The following GFM1 variants were observed in gnomAD, a reference collection of about 807,000 sequenced individuals.
GFM1 encodes the protein G elongation factor mitochondrial 1, also known as elongation factor G, mitochondrial.
Under a neutral mutation model 96.2 loss-of-function variants are expected in GFM1, and 62 were observed. The ratio of observed to expected loss-of-function variants is 0.64; its 90% confidence interval spans 0.53 to 0.80. The LOEUF (loss-of-function observed/expected upper bound fraction) is 0.80. Ranked by LOEUF, GFM1 falls within the 30% of genes least tolerant of loss-of-function variation. GFM1 has a pLI of 0.00. For synonymous variants in GFM1, 282 were observed against 312.9 expected, an observed-to-expected ratio of 0.90 and a Z score of 1.04; for missense variants, 852 against 916.6, an observed-to-expected ratio of 0.93 and a Z score of 0.91.
chr3:158,665,839 C>G (rs1426446683), intron 12 of GFM1, among the ~76,000 whole-genome samples: 1 of 152,074 alleles, frequency 6.6e-6, no homozygotes, highest in Admixed American at 6.5e-5. Context: ...CAAGTCATTA[C>G]TTGAAGATCA....
At chr3:158,686,149 T>TA (rs1725812272) in intron 15 of GFM1, among the ~76,000 whole-genome samples, 1 of 149,294 alleles carries the variant, frequency 6.7e-6, no homozygotes, top group South Asian at 2.1e-4. Flanking sequence ...ACAGGATATA[T>TA]ATAATATGTT....
chr3:158,666,861 A>C lies in GFM1; in HGVS notation c.1601+475A>C, dbSNP rs2108054919. On this transcript the variant is annotated intron_variant, in intron 13 of 17. Coordinates refer to ENST00000486715, the MANE Select transcript of GFM1 (RefSeq NM_024996.7). ...CTTCACAAAGAATAGTACTTTTGTT[A>C]AATTGCTGCAATTATAATATACTTA... The C allele has an allele frequency of 3.5e-6, 5 of 1,422,744 alleles. No homozygotes were observed. The South Asian group carries it at 6.4e-5, about 18-fold the overall frequency. The allele number at this position is 1,422,744 out of a possible 1,614,324, so 88.1% of individuals were successfully genotyped here.
rs534901061 is a variant in GFM1 at position 158,669,372 on chromosome 3, A to G, written c.1601+2986A>G. ...TAGCAACTAACAATTTTAAGCACAG[A>G]TAATTGAGATTGATTTTAAGTTTGA... On this transcript the variant is annotated intron_variant, in intron 13 of 17. Transcript: ENST00000486715. The G allele has an allele frequency of 8.7e-6, 13 of 1,491,232 alleles. No homozygotes were observed. In the East Asian group the frequency reaches 2.7e-4, roughly 31 times the overall value. The allele number at this position is 1,491,232 out of a possible 1,614,324, so 92.4% of individuals were successfully genotyped here. A position where few individuals can be genotyped will look rare whatever the true frequency, so the allele number is the denominator to read the frequency against.
At chr3:158,667,787 C>T (rs1177051201) in intron 13 of GFM1, among the ~76,000 whole-genome samples, 1 of 152,110 alleles carries the variant, frequency 6.6e-6, no homozygotes, top group Non-Finnish European at 1.5e-5. Flanking sequence ...AACCCTGTCT[C>T]AAAAACAGGC....
At position 158,693,714 on chromosome 3, in the gene GFM1, C is replaced by T. The variant is rs1241543232; in HGVS notation, c.*2247C>T. ...TCAAATATTACATCCTTGTATTGGA[C>T]AACAGTAGCAGCACTAGGTAGTATT... On this transcript the variant is annotated 3_prime_UTR_variant, in exon 18 of 18. Coordinates refer to ENST00000486715, the MANE Select transcript of GFM1 (RefSeq NM_024996.7). The T allele has an allele frequency of 6.6e-6, 1 of 152,162 alleles. No homozygotes were observed. Among genetic ancestry groups the T allele is most frequent in the Non-Finnish European group, 1.5e-5 (1 of 68,038 alleles). 9.4% of individuals were successfully genotyped at this position (152,162 alleles called of 1,614,324 possible).
intron 13 of GFM1, among the ~76,000 whole-genome samples, chr3:158,677,415 C>A (rs1724992939): frequency 6.6e-6 from 1 of 152,246 alleles, no homozygotes; most frequent in African/African-American, 2.4e-5. Flanking sequence ...AAAGGTGAAG[C>A]AGCAAGTGCT....
intron 4 of GFM1, among the ~76,000 whole-genome samples, chr3:158,647,617 G>C (rs974366889): frequency 6.6e-6 from 1 of 152,224 alleles, no homozygotes; most frequent in African/African-American, 2.4e-5. Flanking sequence ...TGGACAGGCT[G>C]AGAATGGTGT....
rs180845241 is a variant in GFM1, at chr3:158,677,355, A to C, written c.1602-4640A>C. ...CAGAAGAAAAGTTTGAAGCTAGCAG[A>C]TGTTGGTTCATGAGGTTTAAGGAAA... On this transcript the variant is annotated intron_variant, in intron 13 of 17. Coordinates refer to ENST00000486715, the MANE Select transcript of GFM1 (RefSeq NM_024996.7). Among the ~76,000 whole-genome samples the C allele has an allele frequency of 9.3e-4, 141 of 152,308 alleles. 1 individual carries two copies. The highest frequency in any genetic ancestry group is 3.3e-3 in the African/African-American group (136 of 41,588).
chr3:158,672,425 C>A, intron 13 of GFM1: 1 of 1,614,092 alleles, frequency 6.2e-7, no homozygotes, highest in Non-Finnish European at 8.5e-7. Flanking sequence ...TGATGTAGTT[C>A]TGTGCCACCA....
chr3:158,680,150 T>TAA (rs1725244264), intron 13 of GFM1, among the ~76,000 whole-genome samples: 1 of 152,196 alleles, frequency 6.6e-6, no homozygotes, highest in African/African-American at 2.4e-5. Flanking sequence ...TAATTTTTCT[T>TAA]TTTCAATTAA....
At chr3:158,678,578 G>A (rs1725097943) in intron 13 of GFM1, among the ~76,000 whole-genome samples, 1 of 152,210 alleles carries the variant, frequency 6.6e-6, no homozygotes, top group African/African-American at 2.4e-5. Context: ...TGTGACTGAA[G>A]TCCTACAATT....
At chr3:158,669,798 C>G (rs926975880) in intron 13 of GFM1, among the ~76,000 whole-genome samples, 2 of 152,120 alleles carry the variant, frequency 1.3e-5, no homozygotes, top group African/African-American at 2.4e-5. Flanking sequence ...TGTGAATACC[C>G]TAAAATAGAT....
chr3:158,683,161 A>T (rs151282553), intron 14 of GFM1, among the ~76,000 whole-genome samples: 4 of 152,118 alleles, frequency 2.6e-5, no homozygotes, highest in South Asian at 4.1e-4. Context: ...GTGGTGGAGC[A>T]TTTTTTTGTC....
intron 16 of GFM1, 44 bp downstream of exon 16, chr3:158,690,367 A>T (rs1261109756): frequency 1.9e-6 from 3 of 1,580,648 alleles, no homozygotes; most frequent in Non-Finnish European, 2.6e-6. Flanking sequence ...TATTAACCAT[A>T]GAAGGAAATC....
In GFM1 at chr3:158,653,445, T is replaced by G; in HGVS notation, c.976T>G (p.Tyr326Asp). 6.2e-7 allele frequency: 1 copy of G among 1,613,024 alleles called. No individual in the cohort carries two copies. Among genetic ancestry groups the G allele is most frequent in the Non-Finnish European group, 8.5e-7 (1 of 1,179,110 alleles). ...CCCAAATCCATCTGAAGTCCAGAACTATGCTATTCTCAATAAAGAGGAGTA... is the reference window on the plus strand; with the variant it reads ...CCCAAATCCATCTGAAGTCCAGAACGATGCTATTCTCAATAAAGAGGAGTA... ...YLPNPSEVQN[Y>D]AILNKEDDSK... Residue 326 changes from tyrosine (Y) to aspartate (D), a missense_variant, in exon 7 of 18, where the codon TAT becomes GAT. Transcript: ENST00000486715.
chr3:158,690,756 C>T (rs1352846383), intron 16 of GFM1, among the ~76,000 whole-genome samples: 1 of 152,172 alleles, frequency 6.6e-6, no homozygotes, highest in African/African-American at 2.4e-5. Context: ...CATAAGGCCT[C>T]CTGGAAAACA....
rs544389920 is a variant in GFM1 at position 158,658,952 on chromosome 3, C to T, written c.1114C>T (p.Arg372Cys). The T allele has an allele frequency of 2.2e-5, 36 of 1,614,096 alleles. No homozygotes were observed. The highest frequency in any genetic ancestry group is 6.7e-5 in the East Asian group (3 of 44,882). ...VGRFGQLTYVRSYQGELKKGD... is the reference protein window; with the variant it reads ...VGRFGQLTYVCSYQGELKKGD... ...TCGATTTGGACAATTAACTTATGTT[C>T]GCAGTTATCAGGGAGAGCTAAAGAA... Residue 372 changes from arginine to cysteine, a missense_variant, in exon 9 of 18, where the codon CGC (arginine) becomes TGC (cysteine). By Grantham distance (180) the Arg-to-Cys change is radical (BLOSUM62 -3). Transcript: ENST00000486715.
At chr3:158,645,993 G>T in intron 2 of GFM1, 172 bp from the exon 3 acceptor site, 2 of 896,330 alleles carry the variant, frequency 2.2e-6, no homozygotes, top group South Asian at 2.8e-5. Context: ...TTGTTGCTCA[G>T]GCTGGTCTCA....
intron 10 of GFM1, among the ~76,000 whole-genome samples, 156 bp from the exon 11 acceptor site, chr3:158,662,472 T>C (rs948426786): frequency 6.6e-5 from 10 of 152,184 alleles, no homozygotes; most frequent in Non-Finnish European, 1.3e-4. Context: ...ACTTATTTAA[T>C]GCAAAACAGA....
Sources: allele counts gnomAD v4.1 joint callset (sites outside exome capture counted in the v4.1 genomes callset), GRCh38; gene constraint gnomAD v4.1.1; transcripts MANE v1.5; gene names NCBI Gene and HGNC (gene_info 2026-07-23, HGNC 2026-07-21).